ATAD2B: variants seen among roughly 807,000 people sequenced by gnomAD.
ATAD2B encodes ATPase family AAA domain containing 2B.
A neutral mutation model predicts 167.6 loss-of-function variants in ATAD2B; 40 were observed. The observed-to-expected ratio is 0.24, with a 90% CI of 0.19 to 0.31. The LOEUF (loss-of-function observed/expected upper bound fraction) is 0.31. ATAD2B is among the 10% of genes least tolerant of loss of function. The pLI is 1.00. For synonymous variants in ATAD2B, 579 were observed against 596.5 expected, an observed-to-expected ratio of 0.97 and a Z score of 0.43; for missense variants, 1,242 against 1,757.2, an observed-to-expected ratio of 0.71 and a Z score of 5.24.
At chr2:23,822,462 T>C (rs1024746653) in intron 16 of ATAD2B, among the ~76,000 whole-genome samples, 1 of 151,372 alleles carries the variant, frequency 6.6e-6, no homozygotes, top group African/African-American at 2.4e-5. Context: ...GGAGAACTGC[T>C]TGAACCTGGG....
intron 22 of ATAD2B, among the ~76,000 whole-genome samples, chr2:23,766,375 T>C (rs1677410885): frequency 6.6e-6 from 1 of 152,216 alleles, no homozygotes; most frequent in African/African-American, 2.4e-5. Flanking sequence ...ATTCTAACAG[T>C]ATCAAGAGCA....
At chr2:23,889,326 T>C (rs1397427409) in intron 2 of ATAD2B, among the ~76,000 whole-genome samples, 3 of 151,870 alleles carry the variant, frequency 2.0e-5, no homozygotes, top group African/African-American at 7.3e-5. Context: ...TGCCACCATG[T>C]CCGGCTAATT....
At chr2:23,909,481 C>T (rs935710951) in intron 1 of ATAD2B, among the ~76,000 whole-genome samples, 6 of 147,384 alleles carry the variant, frequency 4.1e-5, no homozygotes, top group Admixed American at 2.7e-4. Flanking sequence ...TATATATATA[C>T]ATACATACAT....
intron 13 of ATAD2B, among the ~76,000 whole-genome samples, chr2:23,854,414 A>G (rs1693028932): frequency 6.6e-6 from 1 of 152,146 alleles, no homozygotes; most frequent in African/African-American, 2.4e-5. Flanking sequence ...ACAGTGGCTC[A>G]TGCCTGTAAG....
chr2:23,892,370 T>C (rs949429344), intron 2 of ATAD2B, among the ~76,000 whole-genome samples: 1 of 152,122 alleles, frequency 6.6e-6, no homozygotes, highest in Non-Finnish European at 1.5e-5. Context: ...TTCACCGTGT[T>C]AGCCAGGATG....
At chr2:23,893,992 C>G (rs1170626416) in intron 2 of ATAD2B, among the ~76,000 whole-genome samples, 1 of 152,014 alleles carries the variant, frequency 6.6e-6, no homozygotes, top group Non-Finnish European at 1.5e-5. Context: ...GTGTGAGTTA[C>G]TAAACATTGT....
chr2:23,714,066 T>C, the ATAD2B span, among the ~76,000 whole-genome samples: 1 of 152,070 alleles, frequency 6.6e-6, no homozygotes, highest in Admixed American at 6.6e-5. Context: ...TATTTGGCCA[T>C]TACCCCCCGG....
intron 17 of ATAD2B, among the ~76,000 whole-genome samples, chr2:23,810,786 G>A (rs545854840): frequency 9.9e-5 from 15 of 152,136 alleles, no homozygotes; most frequent in African/African-American, 2.4e-4. Context: ...CAAGGTGGGC[G>A]GATCACCTGA....
In ATAD2B at chr2:23,875,916, G is replaced by A; in HGVS notation, c.902-12C>T. The stretch of plus-strand genomic sequence containing the variant: ...TTGATGAGCTGGTACTAAAAGGGAA[G>A]AAAAGGATAATAGAGAAATAACTAA... On this transcript the variant is annotated splice_polypyrimidine_tract_variant and intron_variant, in intron 7 of 27. Transcript: ENST00000238789. The A allele has an allele frequency of 6.4e-7, 1 of 1,563,028 alleles. No homozygotes were observed. Among genetic ancestry groups the A allele is most frequent in the Non-Finnish European group, 8.8e-7 (1 of 1,140,306 alleles).
chr2:23,749,463 A>G lies in ATAD2B; in HGVS notation c.*2583T>C, dbSNP rs940960889. 3.9e-5 allele frequency: 6 copies of G among 152,216 alleles called. No individual in the cohort carries two copies. Among genetic ancestry groups the G allele is most frequent in the African/African-American group, 1.4e-4 (6 of 41,462 alleles). The allele number at this position is 152,216 out of a possible 1,614,324, so 9.4% of individuals were successfully genotyped here. A position where few individuals can be genotyped will look rare whatever the true frequency, so the allele number is the denominator to read the frequency against. ...AAAAATGAAAAACTTACAGAAAGGT[A>G]AACAAAATTGAGTCCACTTTTTTAA... is the stretch of plus-strand genomic sequence containing the variant. On this transcript the variant is annotated 3_prime_UTR_variant, in exon 28 of 28. Coordinates refer to ENST00000238789, the MANE Select transcript of ATAD2B (RefSeq NM_017552.4).
At chr2:23,781,194 T>C (rs1266555652) in intron 22 of ATAD2B, among the ~76,000 whole-genome samples, 1 of 151,754 alleles carries the variant, frequency 6.6e-6, no homozygotes, top group Non-Finnish European at 1.5e-5. Flanking sequence ...GGTACTACAA[T>C]TAAACATAAA....
chr2:23,892,693 C>T (rs1283905969), intron 2 of ATAD2B, among the ~76,000 whole-genome samples: 1 of 151,718 alleles, frequency 6.6e-6, no homozygotes, highest in Non-Finnish European at 1.5e-5. Context: ...TGGTCTCCAA[C>T]TCCTGGCCTC....
At chr2:23,911,225 A>T (rs924887607) in intron 1 of ATAD2B, among the ~76,000 whole-genome samples, 13 of 151,512 alleles carry the variant, frequency 8.6e-5, no homozygotes, top group Non-Finnish European at 1.9e-4. Context: ...CCGTCTGGAA[A>T]AAAAAAAAAA....
chr2:23,871,278 T>G (rs1185653144), intron 8 of ATAD2B, among the ~76,000 whole-genome samples: 3 of 151,118 alleles, frequency 2.0e-5, no homozygotes, highest in Admixed American at 1.3e-4. Flanking sequence ...CACCCTCAGC[T>G]CTGCTTTACT....
intron 13 of ATAD2B, among the ~76,000 whole-genome samples, chr2:23,850,708 T>C (rs1226994560): frequency 6.6e-6 from 1 of 152,166 alleles, no homozygotes; most frequent in African/African-American, 2.4e-5. Context: ...TTGGGGGAAG[T>C]GAAAATATTC....
intron 8 of ATAD2B, among the ~76,000 whole-genome samples, chr2:23,873,767 C>G (rs1172631618): frequency 1.3e-5 from 2 of 152,156 alleles, no homozygotes; most frequent in East Asian, 3.8e-4. Flanking sequence ...GCCATTAAAT[C>G]ATATAAAGTA....
At chr2:23,742,943 C>G in the ATAD2B span, among the ~76,000 whole-genome samples, 1 of 152,068 alleles carries the variant, frequency 6.6e-6, no homozygotes, top group Non-Finnish European at 1.5e-5. Flanking sequence ...CATTTAGACA[C>G]ACACCCAGAC....
At chr2:23,881,219 G>A (rs1333841768) in intron 6 of ATAD2B, among the ~76,000 whole-genome samples, 3 of 152,156 alleles carry the variant, frequency 2.0e-5, no homozygotes, top group Non-Finnish European at 4.4e-5. Context: ...GCAGTGTAAT[G>A]ATTTGTTAGG....
chr2:23,913,760 G>C (rs1184369067), intron 1 of ATAD2B, among the ~76,000 whole-genome samples: 1 of 151,890 alleles, frequency 6.6e-6, no homozygotes, highest in Non-Finnish European at 1.5e-5. Context: ...ACAAAAAGGA[G>C]AAACTTGTCC....
Sources: allele counts gnomAD v4.1 joint callset (sites outside exome capture counted in the v4.1 genomes callset), GRCh38; gene constraint gnomAD v4.1.1; transcripts MANE v1.5; gene names NCBI Gene and HGNC (gene_info 2026-07-23, HGNC 2026-07-21).